The following NR2E3 variants were observed in gnomAD, a reference collection of about 807,000 sequenced individuals.
NR2E3 encodes photoreceptor-specific nuclear receptor.
In NR2E3, 38 loss-of-function variants were observed where a neutral mutation model predicts 37.6. The ratio of observed to expected loss-of-function variants is 1.01; its 90% CI spans 0.78 to 1.33. NR2E3 has a LOEUF of 1.33. Among genes scored for constraint, NR2E3 ranks in the 40% most tolerant of loss-of-function variants. The pLI is 0.00. For missense variants in NR2E3, 562 were observed against 558.7 expected (o/e 1.01, Z -0.06); for synonymous variants, 235 against 225.1 (o/e 1.04, Z -0.39).
chr15:71,810,605 G>T lies in NR2E3; in HGVS notation c.-139G>T, dbSNP rs138513681. The T allele has an allele frequency of 1.0e-3, 1,392 of 1,337,898 alleles. 2 individuals carry two copies. Among genetic ancestry groups the T allele is most frequent in the Non-Finnish European group, 1.3e-3 (1,323 of 990,338 alleles). 82.9% of individuals were successfully genotyped at this position (1,337,898 alleles called of 1,614,324 possible). ...GCTGTGAGGGGCTTCGGGACCTTGG[G>T]GCAGCTCCTGAGTTCAGACAGAGTT... is the stretch of plus-strand genomic sequence containing the variant. On this transcript the variant is annotated 5_prime_UTR_variant, in exon 1 of 8. Transcript: ENST00000617575.
rs1358462264 is a variant in NR2E3, at chr15:71,817,657, G to C, written c.1206G>C (p.Lys402Asn). The change falls in exon 8 of 8, where the codon AAG (lysine) becomes AAC (asparagine). Residue 402 changes from lysine (K) to asparagine (N), a missense_variant. Coordinates refer to ENST00000617575, the MANE Select transcript of NR2E3 (RefSeq NM_014249.4). ...RKTIGNTPME[K>N]LLCDMFKN is the part of the protein sequence containing the mutation. ...CCATAGGGAATACTCCAATGGAGAA[G>C]CTCCTTTGTGATATGTTCAAAAACT... 6.2e-7 allele frequency: 1 copy of C among 1,606,240 alleles called. No homozygotes were observed. The highest frequency in any genetic ancestry group is 1.1e-5 in the South Asian group (1 of 90,782).
intron 7 of NR2E3, among the ~76,000 whole-genome samples, chr15:71,817,177 T>C (rs1334370942): frequency 6.7e-6 from 1 of 150,040 alleles, no homozygotes; most frequent in Non-Finnish European, 1.5e-5. Flanking sequence ...CGGCTCACTG[T>C]AAGCTCCGCC....
chr15:71,811,880 G>T lies in NR2E3; in HGVS notation c.349+11G>T. On this transcript the variant is annotated intron_variant, in intron 3 of 7. Transcript: ENST00000617575. This position sits in a 1 kb window ranked among gnomAD's most constrained non-coding sequence, Gnocchi z 5.6. ...GGATGAACCAGGACGGTGAGGCGGGGGCTGGCCCGGGGGGAGGTGACAAGA... is the reference window on the plus strand; with the variant it reads ...GGATGAACCAGGACGGTGAGGCGGGTGCTGGCCCGGGGGGAGGTGACAAGA... The T allele has an allele frequency of 1.3e-6, 2 of 1,550,798 alleles. No individual in the cohort carries two copies. The highest frequency in any genetic ancestry group is 1.7e-6 in the Non-Finnish European group (2 of 1,146,810).
Position 71,811,974 on chromosome 15 carries a change from G to A in NR2E3, c.369G>A (p.Gln123=), listed in dbSNP as rs2140289343. 2 of 1,552,018 alleles carry A rather than the reference G, an allele frequency of 1.3e-6. No homozygotes were observed. The highest frequency in any genetic ancestry group is 3.3e-4 in the Middle Eastern group (2 of 5,988). ...MNQDAVQNER[Q]PRSTAQVHLD... Reference sequence around the variant, plus strand: ...CCCCAGCCGTGCAGAACGAGCGCCAGCCGCGAAGCACAGCCCAGGTCCACC... The same window carrying A: ...CCCCAGCCGTGCAGAACGAGCGCCAACCGCGAAGCACAGCCCAGGTCCACC... The change falls in exon 4 of 8, where the codon CAG becomes CAA. Residue 123 remains glutamine, a synonymous_variant. Coordinates refer to ENST00000617575, the MANE Select transcript of NR2E3 (RefSeq NM_014249.4). The surrounding 1 kb of genome is among the most constrained non-coding windows in gnomAD (Gnocchi z 5.6).
At position 71,813,270 on chromosome 15, in the gene NR2E3, A is replaced by G; in HGVS notation, c.748-119A>G. 1.4e-6 allele frequency: 2 copies of G among 1,392,368 alleles called. No individual in the cohort carries two copies. The highest frequency in any genetic ancestry group is 1.3e-5 in the South Asian group (1 of 76,872). The allele number at this position is 1,392,368 out of a possible 1,614,324, so 86.3% of individuals were successfully genotyped here. On this transcript the variant is annotated intron_variant, in intron 5 of 7. Transcript: ENST00000617575. The surrounding 1 kb of genome is among the most constrained non-coding windows in gnomAD (Gnocchi z 4.7). ...AGCCTCTGGCTGATGTCAGGAGAGCATTCTCGGGTCCCAGGACAGCACTTC... is the reference window on the plus strand; with the variant it reads ...AGCCTCTGGCTGATGTCAGGAGAGCGTTCTCGGGTCCCAGGACAGCACTTC...
intron 7 of NR2E3, among the ~76,000 whole-genome samples, chr15:71,815,864 G>A (rs1163046024): frequency 6.6e-6 from 1 of 152,292 alleles, no homozygotes; most frequent in Non-Finnish European, 1.5e-5. Context: ...CCCACTAGGT[G>A]AGGCAATACC....
rs1230846828 is a variant in NR2E3 at position 71,811,236 on chromosome 15, G to A, written c.119-247G>A. On this transcript the variant is annotated intron_variant, in intron 1 of 7. Coordinates refer to ENST00000617575, the MANE Select transcript of NR2E3 (RefSeq NM_014249.4). This position sits in a 1 kb window ranked among gnomAD's most constrained non-coding sequence, Gnocchi z 5.6. ...ATGGGAGCTGGGAAAGTGGAGCTAG[G>A]GCTCGGACTCTTGCTGAAAATTGGC... Among the ~76,000 whole-genome samples, 1 of 152,070 alleles carries A rather than the reference G, an allele frequency of 6.6e-6. No homozygotes were observed. The highest frequency in any genetic ancestry group is 1.5e-5 in the Non-Finnish European group (1 of 67,990).
chr15:71,816,910 C>G (rs990101577), intron 7 of NR2E3, among the ~76,000 whole-genome samples: 37 of 152,216 alleles, frequency 2.4e-4, no homozygotes, highest in Admixed American at 8.5e-4. Flanking sequence ...ATGCTTATCA[C>G]TTTCACACCA....
In NR2E3 at chr15:71,817,754, C is replaced by G; in HGVS notation, c.*70C>G. The stretch of plus-strand genomic sequence containing the variant: ...TACTGAAACGAAACATTTGCCTACT[C>G]TTTGCCCCAGCAATTCCTCGTAGGT... On this transcript the variant is annotated 3_prime_UTR_variant, in exon 8 of 8. Coordinates refer to ENST00000617575, the MANE Select transcript of NR2E3 (RefSeq NM_014249.4). The G allele has an allele frequency of 6.9e-7, 1 of 1,454,562 alleles. No homozygotes were observed. The highest frequency in any genetic ancestry group is 9.4e-7 in the Non-Finnish European group (1 of 1,063,926). The allele number at this position is 1,454,562 out of a possible 1,614,324, so 90.1% of individuals were successfully genotyped here. A position where few individuals can be genotyped will look rare whatever the true frequency, so the allele number is the denominator to read the frequency against.
rs753373431 is a variant in NR2E3, at chr15:71,811,440, G to C, written c.119-43G>C. The C allele has an allele frequency of 6.8e-7, 1 of 1,477,166 alleles. No homozygotes were observed. Among genetic ancestry groups the C allele is most frequent in the Admixed American group, 2.1e-5 (1 of 48,688 alleles). The allele number at this position is 1,477,166 out of a possible 1,614,324, so 91.5% of individuals were successfully genotyped here. A position where few individuals can be genotyped will look rare whatever the true frequency, so the allele number is the denominator to read the frequency against. ...GGAGGGGAGCGTGCAGCCCTGCCCCGGCCCAGCCCTGCCCTGGCCCAGCCC... is the reference window on the plus strand; with the variant it reads ...GGAGGGGAGCGTGCAGCCCTGCCCCCGCCCAGCCCTGCCCTGGCCCAGCCC... On this transcript the variant is annotated intron_variant, in intron 1 of 7. Coordinates refer to ENST00000617575, the MANE Select transcript of NR2E3 (RefSeq NM_014249.4). This position sits in a 1 kb window ranked among gnomAD's most constrained non-coding sequence, Gnocchi z 5.6.
intron 7 of NR2E3, among the ~76,000 whole-genome samples, chr15:71,815,920 TTC>T (rs796828957): frequency 5.3e-5 from 8 of 152,356 alleles, no homozygotes; most frequent in African/African-American, 1.9e-4. Context: ...TAGTTATTTC[TTC>T]TTCCTCCCAC....
In NR2E3 at chr15:71,811,876, CG is replaced by C. The variant is rs886051451; in HGVS notation, c.349+12del. 1.3e-5 allele frequency: 20 copies of C among 1,550,502 alleles called. No homozygotes were observed. The African/African-American group carries it at 2.3e-4, about 18-fold the overall frequency. On this transcript the variant is annotated splice_region_variant and intron_variant, in intron 3 of 7. Coordinates refer to ENST00000617575, the MANE Select transcript of NR2E3 (RefSeq NM_014249.4). The surrounding 1 kb of genome is among the most constrained non-coding windows in gnomAD (Gnocchi z 5.6). ...GCGGGGATGAACCAGGACGGTGAGGCGGGGGCTGGCCCGGGGGGAGGTGACA... is the reference window on the plus strand; with the variant it reads ...GCGGGGATGAACCAGGACGGTGAGGCGGGGCTGGCCCGGGGGGAGGTGACA...
In NR2E3 at chr15:71,817,652, G is replaced by C; in HGVS notation, c.1201G>C (p.Glu401Gln). The C allele has an allele frequency of 6.2e-7, 1 of 1,607,126 alleles. No individual in the cohort carries two copies. Among genetic ancestry groups the C allele is most frequent in the Non-Finnish European group, 8.5e-7 (1 of 1,174,080 alleles). ...FRKTIGNTPM[E>Q]KLLCDMFKN ...CAAGACCATAGGGAATACTCCAATG[G>C]AGAAGCTCCTTTGTGATATGTTCAA... The change falls in exon 8 of 8, where the codon GAG becomes CAG. Residue 401 changes from glutamate (E) to glutamine (Q), a missense_variant. By Grantham distance (29) the Glu-to-Gln change is conservative (BLOSUM62 2). Transcript: ENST00000617575.
rs532478044 is a variant in NR2E3, at chr15:71,813,292, C to T, written c.748-97C>T. The T allele has an allele frequency of 1.8e-4, 270 of 1,509,488 alleles. No individual in the cohort carries two copies. The highest frequency in any genetic ancestry group is 2.3e-4 in the Non-Finnish European group (254 of 1,119,440). The allele number at this position is 1,509,488 out of a possible 1,614,324, so 93.5% of individuals were successfully genotyped here. A position where few individuals can be genotyped will look rare whatever the true frequency, so the allele number is the denominator to read the frequency against. On this transcript the variant is annotated intron_variant, in intron 5 of 7. Coordinates refer to ENST00000617575, the MANE Select transcript of NR2E3 (RefSeq NM_014249.4). The surrounding 1 kb of genome is among the most constrained non-coding windows in gnomAD (Gnocchi z 4.7). ...AGCATTCTCGGGTCCCAGGACAGCA[C>T]TTCCATTCCTTGGGTGCCTGAGATG...
At chr15:71,814,480 G>A (rs1160299604) in intron 7 of NR2E3, 1 of 1,040,936 alleles carries the variant, frequency 9.6e-7, no homozygotes, top group African/African-American at 1.7e-5. Context: ...TTGAAAGGAA[G>A]AAGAAGTCTA....
At chr15:71,815,115 A>G (rs891305854) in intron 7 of NR2E3, among the ~76,000 whole-genome samples, 9 of 152,128 alleles carry the variant, frequency 5.9e-5, no homozygotes, top group African/African-American at 2.4e-5. Context: ...GTGGGGCAGG[A>G]GCCGGTGCTC....
At position 71,813,541 on chromosome 15, in the gene NR2E3, G is replaced by T; in HGVS notation, c.900G>T (p.Thr300=). The stretch of plus-strand genomic sequence containing the variant: ...GGCTCACGCTGGCCAGCATGGAGAC[G>T]CGTGTCCTGCAGGAAACTATCTCTC... ...QGRLTLASME[T]RVLQETISRF... is the part of the protein sequence containing the mutation. The change falls in exon 6 of 8, where the codon ACG becomes ACT. Residue 300 remains threonine (T), a synonymous_variant. Transcript: ENST00000617575. The surrounding 1 kb of genome is among the most constrained non-coding windows in gnomAD (Gnocchi z 4.7). 1.9e-6 allele frequency: 3 copies of T among 1,613,772 alleles called. No homozygotes were observed. Among genetic ancestry groups the T allele is most frequent in the Non-Finnish European group, 2.5e-6 (3 of 1,179,810 alleles).
In NR2E3 at chr15:71,811,436, C is replaced by T. The variant is rs373658546; in HGVS notation, c.119-47C>T. The stretch of plus-strand genomic sequence containing the variant: ...GGAAGGAGGGGAGCGTGCAGCCCTG[C>T]CCCGGCCCAGCCCTGCCCTGGCCCA... On this transcript the variant is annotated intron_variant, in intron 1 of 7. Coordinates refer to ENST00000617575, the MANE Select transcript of NR2E3 (RefSeq NM_014249.4). This position sits in a 1 kb window ranked among gnomAD's most constrained non-coding sequence, Gnocchi z 5.6. The T allele has an allele frequency of 8.1e-5, 122 of 1,515,046 alleles. No homozygotes were observed. The East Asian group carries it at 2.5e-3, about 31-fold the overall frequency. 93.9% of individuals were successfully genotyped at this position (1,515,046 alleles called of 1,614,324 possible).
chr15:71,813,353 G>A lies in NR2E3; in HGVS notation c.748-36G>A. The A allele has an allele frequency of 6.2e-7, 1 of 1,601,470 alleles. No individual in the cohort carries two copies. The highest frequency in any genetic ancestry group is 1.1e-5 in the South Asian group (1 of 88,676). On this transcript the variant is annotated intron_variant, in intron 5 of 7. Transcript: ENST00000617575. The surrounding 1 kb of genome is among the most constrained non-coding windows in gnomAD (Gnocchi z 4.7). Reference sequence around the variant, plus strand: ...CTCCAGACTGAGCCAGAGAAGCTGTGTGTCTGCCATAACAGGCACCCCTGT... The same window carrying A: ...CTCCAGACTGAGCCAGAGAAGCTGTATGTCTGCCATAACAGGCACCCCTGT...
Sources: gnomAD v4.1 joint callset for allele counts (sites outside exome capture counted in the v4.1 genomes callset) on GRCh38, gnomAD v4.1.1 for gene constraint, Gnocchi (gnomAD v3.1) non-coding constraint, MANE v1.5 for transcripts, NCBI Gene and HGNC (gene_info 2026-07-23, HGNC 2026-07-21) for gene names.